The following DOCK2 variants were observed in gnomAD, a reference collection of about 807,000 sequenced individuals.
DOCK2 encodes the protein dedicator of cytokinesis 2.
Under a neutral mutation model 248.9 loss-of-function variants are expected in DOCK2, and 87 were observed. That is an observed-to-expected ratio of 0.35 (90% CI 0.29 to 0.42). The LOEUF is 0.42. Ranked by LOEUF, DOCK2 falls within the 10% of genes least tolerant of loss-of-function variation. The probability of loss-of-function intolerance (pLI) is 1.00; values close to 1 mark genes in which losing one functional copy is unlikely to be tolerated. For missense variants in DOCK2, 1,747 were observed against 2,300.2 expected, an observed-to-expected ratio of 0.76 and a Z score of 4.92; for synonymous variants, 805 against 821.6, an observed-to-expected ratio of 0.98 and a Z score of 0.35.
At chr5:169,729,764 G>A (rs1762670267) in intron 22 of DOCK2, among the ~76,000 whole-genome samples, 1 of 152,166 alleles carries the variant, frequency 6.6e-6, no homozygotes, top group South Asian at 2.1e-4. Flanking sequence ...GACAGGGGTA[G>A]TGAGGGTGGG....
At position 170,041,054 on chromosome 5, in the gene DOCK2, G is replaced by T. The variant is rs1756496758; in HGVS notation, c.3666-1G>T. The T allele has an allele frequency of 6.2e-7, 1 of 1,613,026 alleles. No individual in the cohort carries two copies. Among genetic ancestry groups the T allele is most frequent in the Non-Finnish European group, 8.5e-7 (1 of 1,179,662 alleles). On this transcript the variant is annotated splice_acceptor_variant, in intron 36 of 51. Coordinates refer to ENST00000520908, the MANE Select transcript of DOCK2 (RefSeq NM_004946.3). LOFTEE classifies it high-confidence loss of function. ...CTTACTGCATATTTTCCCTCAAACA[G>T]GTACCTGTACAAACTCCGCGATCTT...
chr5:170,043,104 C>T (rs1272528656), intron 38 of DOCK2, among the ~76,000 whole-genome samples: 1 of 152,186 alleles, frequency 6.6e-6, no homozygotes, highest in African/African-American at 2.4e-5. Context: ...TCTGGTGGAC[C>T]TTCAGGAAGT....
chr5:169,989,178 G>C (rs1778147302), intron 29 of DOCK2, among the ~76,000 whole-genome samples: 1 of 152,180 alleles, frequency 6.6e-6, no homozygotes, highest in Admixed American at 6.5e-5. Flanking sequence ...CCCCAGCTGT[G>C]TACTGTTTGC....
chr5:169,839,272 C>T (rs1345276835), intron 26 of DOCK2, among the ~76,000 whole-genome samples: 1 of 152,166 alleles, frequency 6.6e-6, no homozygotes, highest in East Asian at 1.9e-4. Context: ...CTGTTTCAGA[C>T]TACAAAATCT....
Position 170,067,647 on chromosome 5 carries a change from G to T in DOCK2, c.4605G>T (p.Val1535=). The part of the protein sequence containing the change: ...NPLSMLLNGI[V]DPAVMGGFAK... ...TCTCCATGCTCCTGAACGGGATTGTGGACCCTGCTGTCATGGGAGGCTTCG... is the reference window on the plus strand; with the variant it reads ...TCTCCATGCTCCTGAACGGGATTGTTGACCCTGCTGTCATGGGAGGCTTCG... The change falls in exon 45 of 52, where the codon GTG becomes GTT. Residue 1535 remains valine (V), a synonymous_variant. Coordinates refer to ENST00000520908, the MANE Select transcript of DOCK2 (RefSeq NM_004946.3). The T allele has an allele frequency of 1.2e-6, 2 of 1,614,156 alleles. No homozygotes were observed. The highest frequency in any genetic ancestry group is 1.7e-6 in the Non-Finnish European group (2 of 1,180,004).
chr5:169,699,236 CT>C, intron 11 of DOCK2, 145 bp from the exon 12 acceptor site: 2 of 564,276 alleles, frequency 3.5e-6, no homozygotes, highest in Non-Finnish European at 5.8e-6. Flanking sequence ...TGAGGTACCT[CT>C]TGATGGCATG....
chr5:169,908,362 T>C (rs939371859), intron 27 of DOCK2, among the ~76,000 whole-genome samples: 4 of 152,184 alleles, frequency 2.6e-5, no homozygotes, highest in Non-Finnish European at 1.5e-5. Context: ...ATTACTCACA[T>C]GCATATAGGC....
chr5:169,860,977 T>A (rs1391894611), intron 27 of DOCK2, among the ~76,000 whole-genome samples: 2 of 152,162 alleles, frequency 1.3e-5, no homozygotes, highest in Admixed American at 6.5e-5. Flanking sequence ...AGGAAAAAAA[T>A]TAAGGGGGAA....
At chr5:169,822,074 C>A (rs909053696) in intron 26 of DOCK2, among the ~76,000 whole-genome samples, 2 of 152,158 alleles carry the variant, frequency 1.3e-5, no homozygotes, top group Non-Finnish European at 2.9e-5. Context: ...GCTAACTATC[C>A]TAAATATATA....
At chr5:169,806,210 A>G (rs1347594285) in intron 26 of DOCK2, among the ~76,000 whole-genome samples, 1 of 135,816 alleles carries the variant, frequency 7.4e-6, no homozygotes, top group Non-Finnish European at 1.6e-5. Flanking sequence ...TAGTCATATC[A>G]CCTCGAGAGT....
At chr5:170,024,644 A>G (rs1755843752) in intron 33 of DOCK2, among the ~76,000 whole-genome samples, 3 of 152,194 alleles carry the variant, frequency 2.0e-5, no homozygotes, top group African/African-American at 7.2e-5. Flanking sequence ...TCAAATCTCC[A>G]TTTAATAGAT....
intron 25 of DOCK2, among the ~76,000 whole-genome samples, chr5:169,783,284 C>G (rs1292128116): frequency 6.6e-6 from 1 of 152,116 alleles, no homozygotes; most frequent in Non-Finnish European, 1.5e-5. Flanking sequence ...ACTTTGGCCC[C>G]AAATGTACAA....
At chr5:169,715,472 C>T (rs1383620608) in intron 19 of DOCK2, among the ~76,000 whole-genome samples, 1 of 152,154 alleles carries the variant, frequency 6.6e-6, no homozygotes, top group African/African-American at 2.4e-5. Context: ...CCATCTACCT[C>T]GTTCAGCAAT....
At chr5:169,801,943 A>G (rs936442971) in intron 25 of DOCK2, among the ~76,000 whole-genome samples, 8 of 151,728 alleles carry the variant, frequency 5.3e-5, no homozygotes, top group Non-Finnish European at 1.2e-4. Context: ...TATTTGTTAG[A>G]TTTAAAATGA....
At chr5:169,899,341 A>G (rs1773790857) in intron 27 of DOCK2, among the ~76,000 whole-genome samples, 3 of 152,174 alleles carry the variant, frequency 2.0e-5, no homozygotes, top group African/African-American at 7.2e-5. Context: ...CACTCTCTGT[A>G]AAGTGCAGCC....
chr5:170,022,364 C>T (rs995512899), intron 33 of DOCK2, among the ~76,000 whole-genome samples: 1 of 152,210 alleles, frequency 6.6e-6, no homozygotes, highest in African/African-American at 2.4e-5. Context: ...AACCCCAGGG[C>T]AATCTCTTTC....
At chr5:169,970,817 T>C (rs1777475538) in intron 27 of DOCK2, among the ~76,000 whole-genome samples, 1 of 152,228 alleles carries the variant, frequency 6.6e-6, no homozygotes, top group African/African-American at 2.4e-5. Flanking sequence ...TGATCTGATA[T>C]CTGGGCTCCA....
chr5:169,880,796 C>T (rs1166791934), intron 27 of DOCK2, among the ~76,000 whole-genome samples: 1 of 152,198 alleles, frequency 6.6e-6, no homozygotes, highest in African/African-American at 2.4e-5. Flanking sequence ...CAAGTTTACA[C>T]TGTATATCAT....
chr5:169,954,330 C>T (rs1273830707), intron 27 of DOCK2, among the ~76,000 whole-genome samples: 1 of 152,210 alleles, frequency 6.6e-6, no homozygotes, highest in Non-Finnish European at 1.5e-5. Context: ...GAACATCAAA[C>T]TTAACAATTA....
Sources: allele counts gnomAD v4.1 joint callset (sites outside exome capture counted in the v4.1 genomes callset), GRCh38; gene constraint gnomAD v4.1.1; transcripts MANE v1.5; gene names NCBI Gene and HGNC (gene_info 2026-07-23, HGNC 2026-07-21).